Variants in SLC17A1 observed in about 807,000 individuals in gnomAD.
SLC17A1 encodes solute carrier family 17 member 1, also known as sodium-dependent phosphate transport protein 1.
SLC17A1 carries 51 observed loss-of-function variants against 53.5 expected under a neutral mutation model. The observed-to-expected ratio is 0.95, with a 90% CI of 0.76 to 1.20. The LOEUF (loss-of-function observed/expected upper bound fraction) is 1.20, where lower values mean the gene tolerates loss of function less well. Among genes scored for constraint, SLC17A1 ranks in the 50% most tolerant of loss-of-function variants. SLC17A1 has a pLI of 0.00. For synonymous variants in SLC17A1, 179 were observed against 198.8 expected (o/e 0.90, Z 0.84); for missense variants, 538 against 568.2 (o/e 0.95, Z 0.54).
the SLC17A1 span, chr6:25,762,186 G>A: frequency 6.0e-5 from 41 of 685,010 alleles, no homozygotes; most frequent in Admixed American, 6.6e-4. Flanking sequence ...ACCACCAATT[G>A]CCAATAATTC....
At chr6:25,768,401 C>T in the SLC17A1 span, 21 of 987,910 alleles carry the variant, frequency 2.1e-5, no homozygotes, top group Non-Finnish European at 2.5e-5. Context: ...ACAGGGATAT[C>T]CCCAGAGCTC....
downstream of SLC17A1, chr6:25,780,000 A>T (rs1763221893): frequency 6.6e-6 from 1 of 152,194 alleles, no homozygotes; most frequent in Non-Finnish European, 1.5e-5. Context: ...CCCACGCACC[A>T]TTCAGTAGGA....
the SLC17A1 span, among the ~76,000 whole-genome samples, chr6:25,742,165 C>T: frequency 3.3e-5 from 5 of 152,170 alleles, no homozygotes; most frequent in South Asian, 2.1e-4. Flanking sequence ...AAGAATCATC[C>T]GGCACAGAGA....
the SLC17A1 span, chr6:25,773,417 A>C: frequency 6.2e-7 from 1 of 1,612,536 alleles, no homozygotes; most frequent in Non-Finnish European, 8.5e-7. Flanking sequence ...CTCCTCTGAC[A>C]TTTCTCTATG....
the SLC17A1 span, chr6:25,776,932 T>C: frequency 1.2e-6 from 2 of 1,613,418 alleles, no homozygotes; most frequent in Non-Finnish European, 1.7e-6. Context: ...TCAGGAGCCC[T>C]TGTTAACTTC....
the SLC17A1 span, chr6:25,776,928 G>A: frequency 6.2e-7 from 1 of 1,613,530 alleles, no homozygotes; most frequent in South Asian, 1.1e-5. Flanking sequence ...TGAATCAGGA[G>A]CCCTTGTTAA....
At chr6:25,754,922 A>G in the SLC17A1 span, 1 of 152,168 alleles carries the variant, frequency 6.6e-6, no homozygotes, top group East Asian at 1.9e-4. Flanking sequence ...CTGTGTCCTG[A>G]GATAATTCTG....
rs755304531 is a variant in SLC17A1 at position 25,798,879 on chromosome 6, GC to G, written c.1309del (p.Ala437GlnfsTer5). ...AATTAGGCCAGTCACATTAATGGCT[GC>G]CATCAGGATGAAGGTTTTAAACCAG... The part of the protein sequence containing the change: ...SAWFKTFILM[A>X]AINVTGLIFY... On this transcript the variant is annotated frameshift_variant, in exon 12 of 13. Coordinates refer to ENST00000244527, the MANE Select transcript of SLC17A1 (RefSeq NM_005074.5). LOFTEE classifies it high-confidence loss of function. The G allele has an allele frequency of 3.7e-6, 6 of 1,605,418 alleles. No homozygotes were observed. Among genetic ancestry groups the G allele is most frequent in the Middle Eastern group, 1.7e-4 (1 of 6,028 alleles).
At chr6:25,757,416 C>G in the SLC17A1 span, among the ~76,000 whole-genome samples, 1 of 152,084 alleles carries the variant, frequency 6.6e-6, no homozygotes, top group Non-Finnish European at 1.5e-5. Flanking sequence ...TGTAACTTCT[C>G]TGATCATTGT....
At chr6:25,824,279 A>G (rs1764662395) in intron 3 of SLC17A1, among the ~76,000 whole-genome samples, 1 of 151,972 alleles carries the variant, frequency 6.6e-6, no homozygotes, top group Non-Finnish European at 1.5e-5. Context: ...GTGGATCTAC[A>G]TTTAAGAAGT....
chr6:25,727,399 GTTTT>G, the SLC17A1 span: 2 of 683,984 alleles, frequency 2.9e-6, no homozygotes, highest in Non-Finnish European at 4.3e-6. Context: ...AACCGTAAGG[GTTTT>G]TTTTTTTTTT....
rs1561847615 is a variant in SLC17A1, at chr6:25,832,038, T to C, written c.-95A>G. 1.3e-5 allele frequency: 2 copies of C among 152,206 alleles called. No individual in the cohort carries two copies. Among genetic ancestry groups the C allele is most frequent in the African/African-American group, 2.4e-5 (1 of 41,448 alleles). 9.4% of individuals were successfully genotyped at this position (152,206 alleles called of 1,614,324 possible). A position where few individuals can be genotyped will look rare whatever the true frequency, so the allele number is the denominator to read the frequency against. On this transcript the variant is annotated 5_prime_UTR_variant, in exon 1 of 13. Transcript: ENST00000244527. ...TGATTTCTTCTTCCGCTGTGAAGACTTTTCTCTCAACTTTACACAATATTG... is the reference window on the plus strand; with the variant it reads ...TGATTTCTTCTTCCGCTGTGAAGACCTTTCTCTCAACTTTACACAATATTG...
chr6:25,823,587 T>A (rs1764638891), intron 3 of SLC17A1, among the ~76,000 whole-genome samples: 1 of 152,124 alleles, frequency 6.6e-6, no homozygotes, highest in Non-Finnish European at 1.5e-5. Context: ...TCTTTTCATG[T>A]GAGTATTTTT....
chr6:25,726,604 G>A, the SLC17A1 span: 4 of 1,507,014 alleles, frequency 2.7e-6, no homozygotes, highest in South Asian at 2.6e-5. Flanking sequence ...GTCTGACTGA[G>A]GTTGGCATTT....
chr6:25,770,025 T>C, the SLC17A1 span: 1 of 1,581,086 alleles, frequency 6.3e-7, no homozygotes, highest in Admixed American at 1.7e-5. Flanking sequence ...AAACTGTCAA[T>C]CCTTCAACTA....
At chr6:25,736,029 G>C in the SLC17A1 span, among the ~76,000 whole-genome samples, 1 of 151,574 alleles carries the variant, frequency 6.6e-6, no homozygotes, top group East Asian at 2.0e-4. Flanking sequence ...GCTGCCAGTG[G>C]CTGAATCTCT....
At chr6:25,787,949 C>T (rs1763419178) in intron 12 of SLC17A1, among the ~76,000 whole-genome samples, 1 of 152,206 alleles carries the variant, frequency 6.6e-6, no homozygotes, top group Non-Finnish European at 1.5e-5. Flanking sequence ...CTTGCTTGGT[C>T]ACCCTGTATT....
chr6:25,775,373 T>C, the SLC17A1 span, among the ~76,000 whole-genome samples: 1 of 151,888 alleles, frequency 6.6e-6, no homozygotes. Flanking sequence ...CTTTCATTAC[T>C]GTTCCTAATC....
At chr6:25,813,288 A>G (rs2151493261) in intron 6 of SLC17A1, 75 bp from the exon 7 acceptor site, 2 of 1,220,264 alleles carry the variant, frequency 1.6e-6, no homozygotes, top group Non-Finnish European at 2.4e-6. Flanking sequence ...GCATTTTTCA[A>G]TGTATCAGTC....
Sources: gnomAD v4.1 joint callset for allele counts (sites outside exome capture counted in the v4.1 genomes callset) on GRCh38, gnomAD v4.1.1 for gene constraint, MANE v1.5 for transcripts, NCBI Gene and HGNC (gene_info 2026-07-23, HGNC 2026-07-21) for gene names.